PDCD11: variants seen among roughly 807,000 people sequenced by gnomAD.
PDCD11 encodes programmed cell death 11, also known as protein RRP5 homolog.
PDCD11 carries 97 observed loss-of-function variants against 198.9 expected under a neutral mutation model. The observed-to-expected ratio is 0.49, with a 90% CI of 0.41 to 0.58. PDCD11 has a LOEUF of 0.58. Among genes scored for constraint, PDCD11 ranks in the 20% least tolerant of loss-of-function variants. The pLI is 0.00. For missense variants in PDCD11, 2,102 were observed against 2,312.7 expected, an observed-to-expected ratio of 0.91 and a Z score of 1.87; for synonymous variants, 893 against 918.0, an observed-to-expected ratio of 0.97 and a Z score of 0.49.
In PDCD11 at chr10:103,445,463, C is replaced by T; in HGVS notation, c.5530C>T (p.Gln1844Ter). 6.2e-7 allele frequency: 1 copy of T among 1,614,174 alleles called. No homozygotes were observed. The highest frequency in any genetic ancestry group is 8.5e-7 in the Non-Finnish European group (1 of 1,179,986). Residue 1844 changes from glutamine to a stop codon, truncating the protein, a stop_gained, in exon 36 of 36, where the codon CAG becomes TAG. Coordinates refer to ENST00000369797, the MANE Select transcript of PDCD11 (RefSeq NM_014976.2). LOFTEE classifies it high-confidence loss of function. ...FFKRYLDYEK[Q>*]HGTEKDVQAV... ...CAAGCGCTACCTGGACTACGAGAAGCAGCATGGCACTGAGAAGGATGTGCA... is the reference window on the plus strand; with the variant it reads ...CAAGCGCTACCTGGACTACGAGAAGTAGCATGGCACTGAGAAGGATGTGCA...
rs542909937 is a variant in PDCD11 at position 103,425,325 on chromosome 10, C to T, written c.3105C>T (p.Ile1035=). Reference sequence around the variant, plus strand: ...CCATAAAGAAGCACACCCTCTCCATCGGGGACATGGTCACAGGGACTGTCA... The same window carrying T: ...CCATAAAGAAGCACACCCTCTCCATTGGGGACATGGTCACAGGGACTGTCA... ...VGTIKKHTLS[I]GDMVTGTVKS... is the part of the protein sequence containing the mutation. The change falls in exon 20 of 36, where the codon ATC becomes ATT. Residue 1035 remains isoleucine (I), a synonymous_variant. Coordinates refer to ENST00000369797, the MANE Select transcript of PDCD11 (RefSeq NM_014976.2). 60 of 1,614,120 alleles carry T rather than the reference C, an allele frequency of 3.7e-5. No individual in the cohort carries two copies. The South Asian group carries it at 4.6e-4, about 12-fold the overall frequency.
chr10:103,407,373 C>A (rs2030521422), intron 7 of PDCD11, among the ~76,000 whole-genome samples: 1 of 151,986 alleles, frequency 6.6e-6, no homozygotes, highest in Admixed American at 6.6e-5. Context: ...ACCATCTTGG[C>A]TAACACGGTG....
chr10:103,425,648 G>A (rs1418367249), intron 20 of PDCD11, 123 bp downstream of exon 20: 6 of 750,144 alleles, frequency 8.0e-6, no homozygotes, highest in Non-Finnish European at 8.7e-6. Flanking sequence ...TTAACAAAAG[G>A]CATTCACCAA....
intron 25 of PDCD11, among the ~76,000 whole-genome samples, chr10:103,437,534 C>A (rs1222879491): frequency 5.9e-5 from 9 of 152,118 alleles, no homozygotes; most frequent in Non-Finnish European, 1.5e-5. Flanking sequence ...GTCGCCCAGG[C>A]TGGAGTGCAG....
At position 103,405,047 on chromosome 10, in the gene PDCD11, T is replaced by G; in HGVS notation, c.428T>G (p.Phe143Cys). Reference protein sequence around the residue: ...LKDLLHLPELFSPGMLVRCVV... With the variant: ...LKDLLHLPELCSPGMLVRCVV... ...GACCTACTTCACTTGCCTGAACTTT[T>G]CTCACCTGGAATGCTGGTAAGATGT... The change falls in exon 5 of 36, where the codon TTC (phenylalanine) becomes TGC (cysteine). Residue 143 changes from phenylalanine (F) to cysteine (C), a missense_variant. Transcript: ENST00000369797. 6.2e-7 allele frequency: 1 copy of G among 1,614,086 alleles called. No individual in the cohort carries two copies. The highest frequency in any genetic ancestry group is 2.2e-5 in the East Asian group (1 of 44,884).
Position 103,440,000 on chromosome 10 carries a change from C to G in PDCD11, c.4148+132C>G, listed in dbSNP as rs147901824. 1.4e-5 allele frequency: 16 copies of G among 1,141,800 alleles called. No homozygotes were observed. In the South Asian group the frequency reaches 2.2e-4, roughly 16 times the overall value. 70.7% of individuals were successfully genotyped at this position (1,141,800 alleles called of 1,614,324 possible). On this transcript the variant is annotated intron_variant, in intron 28 of 35. Coordinates refer to ENST00000369797, the MANE Select transcript of PDCD11 (RefSeq NM_014976.2). ...TAGTGGTGTTCAGATGAATAAAAGG[C>G]CTTTGTTTGGAACCTTCTCCCCCAG...
intron 6 of PDCD11, 105 bp downstream of exon 6, chr10:103,406,213 A>G: frequency 7.3e-7 from 1 of 1,374,412 alleles, no homozygotes; most frequent in Non-Finnish European, 1.0e-6. Flanking sequence ...GTGACCCTGA[A>G]GGTGCTGTGG....
At chr10:103,426,856 A>T (rs1378501616) in intron 20 of PDCD11, among the ~76,000 whole-genome samples, 1 of 150,952 alleles carries the variant, frequency 6.6e-6, no homozygotes, top group Non-Finnish European at 1.5e-5. Context: ...CTTTGGGACG[A>T]TGAGGGAGGT....
chr10:103,408,478 G>A lies in PDCD11; in HGVS notation c.871-1221G>A, dbSNP rs546984547. Among the ~76,000 whole-genome samples the A allele has an allele frequency of 4.8e-4, 73 of 152,094 alleles. 1 individual carries two copies. Among genetic ancestry groups the A allele is most frequent in the Non-Finnish European group, 3.7e-4 (25 of 67,962 alleles). On this transcript the variant is annotated intron_variant, in intron 7 of 35. Coordinates refer to ENST00000369797, the MANE Select transcript of PDCD11 (RefSeq NM_014976.2). Reference sequence around the variant, plus strand: ...TGAGTGAGGTACTAAAAAACTGTGAGCAAGTCTATGTGCCTGTGTGGGATT... The same window carrying A: ...TGAGTGAGGTACTAAAAAACTGTGAACAAGTCTATGTGCCTGTGTGGGATT...
chr10:103,445,247 A>G, intron 35 of PDCD11, 131 bp from the exon 36 acceptor site: 2 of 765,160 alleles, frequency 2.6e-6, no homozygotes, highest in East Asian at 4.9e-5. Context: ...TAATAAAGAT[A>G]ATGGTAGAAG....
Position 103,421,503 on chromosome 10 carries a change from C to T in PDCD11, c.2433C>T (p.Ser811=), listed in dbSNP as rs1255572594. ...GTCTGGGGGACTTGGCTATCACCAG[C>T]CTCCTCCTCCTGAATCAGTGCCTGG... ...DCGLGDLAIT[S]LLLLNQCLEE... Residue 811 remains serine, a synonymous_variant, in exon 17 of 36, where the codon AGC becomes AGT. Transcript: ENST00000369797. 11 of 1,589,850 alleles carry T rather than the reference C, an allele frequency of 6.9e-6. No homozygotes were observed. The highest frequency in any genetic ancestry group is 1.3e-5 in the African/African-American group (1 of 74,678).
chr10:103,406,113 G>C lies in PDCD11; in HGVS notation c.688+5G>C, dbSNP rs1422683485. ...ACATCAGACAGAAGAACAAAGGTGA[G>C]GGCAAGAAAAGGGGCCAGTACATGG... is the stretch of plus-strand genomic sequence containing the variant. On this transcript the variant is annotated splice_donor_5th_base_variant and intron_variant, in intron 6 of 35. Transcript: ENST00000369797. 6.2e-7 allele frequency: 1 copy of C among 1,613,926 alleles called. No homozygotes were observed. Among genetic ancestry groups the C allele is most frequent in the Non-Finnish European group, 8.5e-7 (1 of 1,179,886 alleles).
At chr10:103,400,166 T>C (rs2029919351) in intron 2 of PDCD11, among the ~76,000 whole-genome samples, 1 of 151,734 alleles carries the variant, frequency 6.6e-6, no homozygotes, top group South Asian at 2.1e-4. Flanking sequence ...AGAAGAGACT[T>C]TGGGAACATG....
chr10:103,404,485 G>T (rs747886180), intron 4 of PDCD11, among the ~76,000 whole-genome samples: 1 of 152,082 alleles, frequency 6.6e-6, no homozygotes, highest in African/African-American at 2.4e-5. Flanking sequence ...TTTTAGTAGA[G>T]ACAGGGTTTT....
intron 21 of PDCD11, among the ~76,000 whole-genome samples, chr10:103,428,608 G>T (rs1473800925): frequency 6.6e-6 from 1 of 152,206 alleles, no homozygotes; most frequent in Non-Finnish European, 1.5e-5. Context: ...TAGGGTTGAG[G>T]TTAAGTAGTT....
rs1367012895 is a variant in PDCD11, at chr10:103,445,576, T to C, written c.*27T>C. 1 of 1,605,544 alleles carries C rather than the reference T, an allele frequency of 6.2e-7. No homozygotes were observed. Among genetic ancestry groups the C allele is most frequent in the Non-Finnish European group, 8.5e-7 (1 of 1,175,056 alleles). On this transcript the variant is annotated 3_prime_UTR_variant, in exon 36 of 36. Coordinates refer to ENST00000369797, the MANE Select transcript of PDCD11 (RefSeq NM_014976.2). ...GGCAGGCTGGCTCTGTGGGACACTG[T>C]CAACAATGGGCCAGCCCGGCCCCGC...
chr10:103,415,637 G>A (rs1308902619), intron 12 of PDCD11, among the ~76,000 whole-genome samples: 4 of 152,204 alleles, frequency 2.6e-5, no homozygotes, highest in East Asian at 1.9e-4. Flanking sequence ...AAAGCCAACC[G>A]TCTTGCCCAG....
intron 4 of PDCD11, 63 bp from the exon 5 acceptor site, chr10:103,404,959 G>A: frequency 6.6e-7 from 1 of 1,505,076 alleles, no homozygotes; most frequent in Non-Finnish European, 9.1e-7. Context: ...GCCAAAGCTG[G>A]GTAATGGATT....
chr10:103,406,831 A>G (rs1341657263), intron 7 of PDCD11, 41 bp downstream of exon 7: 2 of 1,479,156 alleles, frequency 1.4e-6, no homozygotes, highest in Admixed American at 2.0e-5. Flanking sequence ...AATAAAAATA[A>G]TTCTTTTCAA....
Sources: allele counts gnomAD v4.1 joint callset (sites outside exome capture counted in the v4.1 genomes callset), GRCh38; gene constraint gnomAD v4.1.1; transcripts MANE v1.5; gene names NCBI Gene and HGNC (gene_info 2026-07-23, HGNC 2026-07-21).